Variants in TICRR observed in about 807,000 individuals in gnomAD.
TICRR encodes TOPBP1 interacting checkpoint and replication regulator.
Under a neutral mutation model 178.1 loss-of-function variants are expected in TICRR, and 132 were observed. The observed-to-expected ratio is 0.74, with a 90% confidence interval of 0.64 to 0.86. The LOEUF (loss-of-function observed/expected upper bound fraction) is 0.86. TICRR is among the 40% of genes least tolerant of loss of function. The pLI is 0.00. For synonymous variants in TICRR, 991 were observed against 900.7 expected, an observed-to-expected ratio of 1.10 and a Z score of -1.79; for missense variants, 2,587 against 2,334.3, an observed-to-expected ratio of 1.11 and a Z score of -2.23.
Position 89,595,734 on chromosome 15 carries a change from T to A in TICRR, c.1900+123T>A. The stretch of plus-strand genomic sequence containing the variant: ...CAAAAAGGTGTTATGGTGAATACAG[T>A]AAATAATAAGATAATGTGCTATTCT... On this transcript the variant is annotated intron_variant, in intron 7 of 21. Transcript: ENST00000268138. The A allele has an allele frequency of 8.9e-6, 6 of 677,258 alleles. No homozygotes were observed. The South Asian group carries it at 1.2e-4, about 13-fold the overall frequency. 42.0% of individuals were successfully genotyped at this position (677,258 alleles called of 1,614,324 possible).
rs1963559977 is a variant in TICRR, at chr15:89,627,704, GC to G, written c.*620del. Reference sequence around the variant, plus strand: ...CCACATTTTCAAGGACTGTCCAAGAGCCAGCCAGTTCAGGGCTCAGGCCTCA... The same window carrying G: ...CCACATTTTCAAGGACTGTCCAAGAGCAGCCAGTTCAGGGCTCAGGCCTCA... On this transcript the variant is annotated 3_prime_UTR_variant, in exon 22 of 22. Coordinates refer to ENST00000268138, the MANE Select transcript of TICRR (RefSeq NM_152259.4). 6.5e-6 allele frequency: 1 copy of G among 153,134 alleles called. No homozygotes were observed. The highest frequency in any genetic ancestry group is 2.1e-4 in the South Asian group (1 of 4,868). 9.5% of individuals were successfully genotyped at this position (153,134 alleles called of 1,614,324 possible). A position where few individuals can be genotyped will look rare whatever the true frequency, so the allele number is the denominator to read the frequency against.
chr15:89,577,670 G>A (rs1310970582), intron 1 of TICRR, among the ~76,000 whole-genome samples: 12 of 139,342 alleles, frequency 8.6e-5, no homozygotes, highest in East Asian at 2.2e-4. Flanking sequence ...GTGCAGTGGC[G>A]TGATCTCGGC....
At chr15:89,595,342 C>A in intron 6 of TICRR, 51 bp from the exon 7 acceptor site, 2 of 1,336,804 alleles carry the variant, frequency 1.5e-6, no homozygotes, top group Non-Finnish European at 2.1e-6. Flanking sequence ...TTCTTCTTTC[C>A]ACAGAAGTGG....
chr15:89,581,021 G>A (rs1447736532), intron 1 of TICRR, among the ~76,000 whole-genome samples: 1 of 152,186 alleles, frequency 6.6e-6, no homozygotes, highest in African/African-American at 2.4e-5. Context: ...GGGCAACAGA[G>A]CAAGATCCTG....
chr15:89,602,001 A>T, intron 12 of TICRR, 25 bp downstream of exon 12: 1 of 1,613,014 alleles, frequency 6.2e-7, no homozygotes. Context: ...AATCAAAGGA[A>T]TTATTTGCAC....
intron 15 of TICRR, among the ~76,000 whole-genome samples, chr15:89,614,977 G>C (rs996742655): frequency 1.3e-5 from 2 of 152,180 alleles, no homozygotes; most frequent in Non-Finnish European, 2.9e-5. Context: ...CAGCTTACAG[G>C]CTTCTCAAGT....
rs377495941 is a variant in TICRR at position 89,595,511 on chromosome 15, G to A, written c.1800G>A (p.Pro600=). Residue 600 remains proline (P), a synonymous_variant, in exon 7 of 22, where the codon CCG becomes CCA. Coordinates refer to ENST00000268138, the MANE Select transcript of TICRR (RefSeq NM_152259.4). ...KAQKLHPDGS[P]DVAGEKGIQK... is the part of the protein sequence containing the mutation. Reference sequence around the variant, plus strand: ...AGAAGTTACATCCAGATGGCAGTCCGGATGTGGCTGGGGAGAAAGGAATCC... The same window carrying A: ...AGAAGTTACATCCAGATGGCAGTCCAGATGTGGCTGGGGAGAAAGGAATCC... 1.1e-5 allele frequency: 18 copies of A among 1,614,062 alleles called. No homozygotes were observed. Among genetic ancestry groups the A allele is most frequent in the Middle Eastern group, 1.6e-4 (1 of 6,078 alleles).
intron 4 of TICRR, 26 bp downstream of exon 4, chr15:89,585,968 A>G: frequency 6.3e-7 from 1 of 1,594,142 alleles, no homozygotes; most frequent in Non-Finnish European, 8.6e-7. Context: ...AGTAACTAAC[A>G]GAGTCTAGGG....
Position 89,575,865 on chromosome 15 carries a change from G to C in TICRR, c.279G>C (p.Pro93=). The C allele has an allele frequency of 1.3e-6, 2 of 1,585,150 alleles. No individual in the cohort carries two copies. Among genetic ancestry groups the C allele is most frequent in the Non-Finnish European group, 1.7e-6 (2 of 1,168,410 alleles). Reference sequence around the variant, plus strand: ...AGGATCGCGCCCACCTGCCCGGCCCGGCGCCCAGGGCCACCCACACGCACG... The same window carrying C: ...AGGATCGCGCCCACCTGCCCGGCCCCGCGCCCAGGGCCACCCACACGCACG... ...RLEDRAHLPG[P]APRATHTHGA... The change falls in exon 1 of 22, where the codon CCG becomes CCC. Residue 93 remains proline (P), a synonymous_variant. Transcript: ENST00000268138.
intron 5 of TICRR, 59 bp downstream of exon 5, chr15:89,592,235 C>A: frequency 6.6e-7 from 1 of 1,505,932 alleles, no homozygotes; most frequent in African/African-American, 1.4e-5. Flanking sequence ...CAGTTATCTG[C>A]ATTTTTTTCT....
chr15:89,627,918 C>T lies in TICRR; in HGVS notation c.*832C>T, dbSNP rs905860927. The T allele has an allele frequency of 1.3e-5, 2 of 153,678 alleles. No individual in the cohort carries two copies. The highest frequency in any genetic ancestry group is 4.8e-5 in the African/African-American group (2 of 41,470). The allele number at this position is 153,678 out of a possible 1,614,324, so 9.5% of individuals were successfully genotyped here. On this transcript the variant is annotated 3_prime_UTR_variant, in exon 22 of 22. Coordinates refer to ENST00000268138, the MANE Select transcript of TICRR (RefSeq NM_152259.4). ...AAAGTGTTCAAGCCTGTTGTGTTCC[C>T]AAATCTGATTCCTCCTATTGTCTTG...
intron 15 of TICRR, among the ~76,000 whole-genome samples, 198 bp from the exon 16 acceptor site, chr15:89,616,207 A>AT (rs1044433080): frequency 3.3e-5 from 5 of 152,104 alleles, no homozygotes; most frequent in South Asian, 2.1e-4. Context: ...GTCTTATGTC[A>AT]TTTTTTAATC....
At position 89,603,818 on chromosome 15, in the gene TICRR, C is replaced by T. The variant is rs185533633; in HGVS notation, c.2664+926C>T. The stretch of plus-strand genomic sequence containing the variant: ...ATTAGGCACAGTAAGAGATTAACAA[C>T]AATAGTAAAATAGAACAATTATAGC... On this transcript the variant is annotated intron_variant, in intron 13 of 21. Transcript: ENST00000268138. 4.4e-4 allele frequency among the ~76,000 whole-genome samples: 67 copies of T among 152,056 alleles called. No homozygotes were observed. The East Asian group carries it at 0.01, about 23-fold the overall frequency.
Position 89,584,340 on chromosome 15 carries a change from A to G in TICRR, c.989A>G (p.His330Arg), listed in dbSNP as rs1962781804. The G allele has an allele frequency of 6.2e-7, 1 of 1,614,216 alleles. No individual in the cohort carries two copies. Among genetic ancestry groups the G allele is most frequent in the Non-Finnish European group, 8.5e-7 (1 of 1,180,040 alleles). ...WTVTLEPLAM[H>R]QRHFQKPVRI... ...GTCACCCTAGAGCCCTTGGCCATGC[A>G]TCAGAGACATTTTCAGAAACCAGTC... is the stretch of plus-strand genomic sequence containing the variant. Residue 330 changes from histidine (H) to arginine (R), a missense_variant, in exon 3 of 22, where the codon CAT (histidine) becomes CGT (arginine). Coordinates refer to ENST00000268138, the MANE Select transcript of TICRR (RefSeq NM_152259.4).
intron 5 of TICRR, among the ~76,000 whole-genome samples, chr15:89,593,319 C>G (rs2141959556): frequency 6.6e-6 from 1 of 152,270 alleles, no homozygotes; most frequent in East Asian, 1.9e-4. Flanking sequence ...TTTTAATGTA[C>G]AAATGTGGCC....
intron 1 of TICRR, 49 bp downstream of exon 1, chr15:89,576,289 G>C (rs761594931): frequency 6.8e-7 from 1 of 1,477,788 alleles, no homozygotes; most frequent in Non-Finnish European, 8.9e-7. Flanking sequence ...TGCTTTCCTT[G>C]CTAACCAGAA....
At chr15:89,615,271 G>A (rs1197624551) in intron 15 of TICRR, among the ~76,000 whole-genome samples, 1 of 152,168 alleles carries the variant, frequency 6.6e-6, no homozygotes, top group Non-Finnish European at 1.5e-5. Flanking sequence ...ATTTGAGTAG[G>A]ATTCTCCAGG....
chr15:89,579,734 G>C (rs1962689324), intron 1 of TICRR: 1 of 152,100 alleles, frequency 6.6e-6, no homozygotes, highest in Admixed American at 6.5e-5. Context: ...TTTATAAAAA[G>C]AGGAAGAAAG....
rs1242228125 is a variant in TICRR at position 89,595,376 on chromosome 15, TG to T, written c.1682-16del. 9 of 1,588,904 alleles carry T rather than the reference TG, an allele frequency of 5.7e-6. No homozygotes were observed. The highest frequency in any genetic ancestry group is 1.7e-5 in the Admixed American group (1 of 59,926). On this transcript the variant is annotated splice_polypyrimidine_tract_variant and intron_variant, in intron 6 of 21. Transcript: ENST00000268138. ...GGAAGGCAATTTACTTTCCCTCCTCTGATGTTGTTTTGGTAGGAGGGGTCCC... is the reference window on the plus strand; with the variant it reads ...GGAAGGCAATTTACTTTCCCTCCTCTATGTTGTTTTGGTAGGAGGGGTCCC...
Sources: allele counts gnomAD v4.1 joint callset (sites outside exome capture counted in the v4.1 genomes callset), GRCh38; gene constraint gnomAD v4.1.1; transcripts MANE v1.5; gene names NCBI Gene and HGNC (gene_info 2026-07-23, HGNC 2026-07-21).